The following RBFOX1 variants were observed in gnomAD, a reference collection of about 807,000 sequenced individuals.
RBFOX1 encodes the protein RNA binding protein fox-1 homolog 1.
RBFOX1 carries 8 observed loss-of-function variants against 57.7 expected under a neutral mutation model. The ratio of observed to expected loss-of-function variants is 0.14; its 90% CI spans 0.08 to 0.25. RBFOX1 has a LOEUF of 0.25. Ranked by LOEUF, RBFOX1 falls within the 10% of genes least tolerant of loss-of-function variation. RBFOX1 has a pLI of 1.00. For synonymous variants in RBFOX1, 326 were observed against 222.4 expected (o/e 1.47, Z -4.15); for missense variants, 611 against 548.5 (o/e 1.11, Z -1.14).
chr16:6,053,669 T>G (rs78390165), intron 1 of RBFOX1, among the ~76,000 whole-genome samples: 1,629 of 152,276 alleles, frequency 0.011, 25 homozygotes, highest in African/African-American at 0.037. Flanking sequence ...TTTTTCTGCT[T>G]GTAATCTTTC....
chr16:5,600,625 C>A (rs2047336220), downstream of RBFOX1, among the ~76,000 whole-genome samples: 2 of 152,022 alleles, frequency 1.3e-5, no homozygotes, highest in African/African-American at 4.8e-5. Context: ...TAAGGGCCCA[C>A]TGCTTGGTGT....
intron 3 of RBFOX1, among the ~76,000 whole-genome samples, chr16:6,804,206 C>T (rs1386395513): frequency 6.6e-6 from 1 of 151,942 alleles, no homozygotes; most frequent in Non-Finnish European, 1.5e-5. Context: ...GATGGGGTTT[C>T]ACTTTGTTGG....
chr16:7,200,543 A>G (rs1282452919), intron 4 of RBFOX1, among the ~76,000 whole-genome samples: 2 of 152,194 alleles, frequency 1.3e-5, no homozygotes, highest in African/African-American at 4.8e-5. Flanking sequence ...CATGGAGCTC[A>G]TATTTTCTGC....
chr16:5,888,193 A>AGAGTTTGTTTCCTCTGCC (rs2057947451), intron 4 of RBFOX1, among the ~76,000 whole-genome samples: 1 of 152,088 alleles, frequency 6.6e-6, no homozygotes, highest in African/African-American at 2.4e-5. Flanking sequence ...GCGCCTTTGC[A>AGAGTTTGTTTCCTCTGCC]GAGTTTGTTT....
At chr16:5,570,189 T>C (rs1272896432) in intron 2 of RBFOX1, among the ~76,000 whole-genome samples, 2 of 152,164 alleles carry the variant, frequency 1.3e-5, no homozygotes, top group African/African-American at 2.4e-5. Context: ...CTCTTTTTTT[T>C]CCTCTTCTAA....
At chr16:5,500,001 C>G (rs1372971362) in intron 2 of RBFOX1, among the ~76,000 whole-genome samples, 1 of 152,180 alleles carries the variant, frequency 6.6e-6, no homozygotes, top group Non-Finnish European at 1.5e-5. Flanking sequence ...CTCTTCCTTT[C>G]TCCCATTCTC....
intron 5 of RBFOX1, among the ~76,000 whole-genome samples, chr16:7,551,102 A>AG (rs1478173067): frequency 1.3e-5 from 2 of 151,366 alleles, no homozygotes; most frequent in Non-Finnish European, 2.9e-5. Context: ...AAAAAAAAAA[A>AG]AAAGAAAAAA....
intron 4 of RBFOX1, among the ~76,000 whole-genome samples, chr16:7,084,438 T>C (rs994700648): frequency 2.6e-5 from 4 of 152,198 alleles, no homozygotes; most frequent in African/African-American, 9.6e-5. Context: ...AATGTGAATT[T>C]GCATGGACCT....
At chr16:7,091,003 G>C (rs1567220244) in intron 4 of RBFOX1, among the ~76,000 whole-genome samples, 1 of 152,146 alleles carries the variant, frequency 6.6e-6, no homozygotes, top group African/African-American at 2.4e-5. Flanking sequence ...GTAGGCAATT[G>C]GCACCTACTC....
At chr16:6,633,466 T>A (rs1341568279) in intron 2 of RBFOX1, among the ~76,000 whole-genome samples, 1 of 151,756 alleles carries the variant, frequency 6.6e-6, no homozygotes, top group Non-Finnish European at 1.5e-5. Flanking sequence ...ATTATTATTA[T>A]TTTTTTTAGT....
chr16:6,777,962 T>G (rs1048461842), intron 3 of RBFOX1, among the ~76,000 whole-genome samples: 2 of 152,186 alleles, frequency 1.3e-5, no homozygotes, highest in African/African-American at 4.8e-5. Context: ...TATCTGAATG[T>G]GAGCAGCAGA....
intron 1 of RBFOX1, among the ~76,000 whole-genome samples, chr16:6,164,572 T>C (rs1394321681): frequency 1.3e-5 from 2 of 151,824 alleles, no homozygotes; most frequent in African/African-American, 2.4e-5. Context: ...ATTCAAGCGA[T>C]TCTCATGCCT....
chr16:5,690,004 G>A (rs896722953), intron 3 of RBFOX1, among the ~76,000 whole-genome samples: 2 of 152,164 alleles, frequency 1.3e-5, no homozygotes, highest in Admixed American at 1.3e-4. Context: ...AACAGCAATT[G>A]CGTAAACTTT....
chr16:5,934,573 C>T (rs559615825), intron 4 of RBFOX1, among the ~76,000 whole-genome samples: 1 of 152,176 alleles, frequency 6.6e-6, no homozygotes, highest in African/African-American at 2.4e-5. Context: ...CAGATCCCGC[C>T]AAGTGTTTTA....
At chr16:6,364,646 G>T (rs1433946852) in intron 2 of RBFOX1, among the ~76,000 whole-genome samples, 1 of 152,174 alleles carries the variant, frequency 6.6e-6, no homozygotes, top group African/African-American at 2.4e-5. Flanking sequence ...GGTCCATCTA[G>T]TTCTTTAGTT....
chr16:5,249,655 T>G (rs985437148), intron 1 of RBFOX1, among the ~76,000 whole-genome samples: 2 of 152,238 alleles, frequency 1.3e-5, no homozygotes, highest in Non-Finnish European at 2.9e-5. Flanking sequence ...CAAATTATTA[T>G]TTGTTCATTT....
intron 1 of RBFOX1, among the ~76,000 whole-genome samples, chr16:5,395,454 C>G (rs1029572656): frequency 6.6e-6 from 1 of 152,160 alleles, no homozygotes; most frequent in African/African-American, 2.4e-5. Flanking sequence ...CTTTGGAGTT[C>G]TTCAGACTTG....
intron 3 of RBFOX1, among the ~76,000 whole-genome samples, chr16:5,676,941 A>C (rs2050185951): frequency 6.6e-6 from 1 of 152,226 alleles, no homozygotes; most frequent in Non-Finnish European, 1.5e-5. Context: ...TTATATTTGT[A>C]CATTGATGAA....
chr16:6,017,761 T>C (rs1222245103), upstream of RBFOX1, among the ~76,000 whole-genome samples: 1 of 152,182 alleles, frequency 6.6e-6, no homozygotes, highest in Non-Finnish European at 1.5e-5. Flanking sequence ...CCCGATAGGA[T>C]TGCAAGAGGA....
Sources: allele counts gnomAD v4.1 joint callset (sites outside exome capture counted in the v4.1 genomes callset), GRCh38; gene constraint gnomAD v4.1.1; transcripts MANE v1.5; gene names NCBI Gene and HGNC (gene_info 2026-07-23, HGNC 2026-07-21).